SKI: variants seen among roughly 807,000 people sequenced by gnomAD.
SKI encodes ski oncogene.
In SKI, 23 loss-of-function variants were observed where a neutral mutation model predicts 59.3. The observed-to-expected ratio is 0.39, with a 90% CI of 0.28 to 0.55. The LOEUF (loss-of-function observed/expected upper bound fraction) is 0.55, where lower values mean the gene tolerates loss of function less well. Ranked by LOEUF, SKI falls within the 20% of genes least tolerant of loss-of-function variation. SKI has a pLI of 0.67. For synonymous variants in SKI, 673 were observed against 488.6 expected (o/e 1.38, Z -4.98); for missense variants, 1,017 against 1,038.9 (o/e 0.98, Z 0.29).
intron 1 of SKI, among the ~76,000 whole-genome samples, chr1:2,289,058 C>G (rs555050024): frequency 6.6e-6 from 1 of 152,138 alleles, no homozygotes; most frequent in South Asian, 2.1e-4. Context: ...TGCACCCACC[C>G]GGGAAGTGGA....
chr1:2,277,224 G>A (rs1460922840), intron 1 of SKI, among the ~76,000 whole-genome samples: 1 of 152,306 alleles, frequency 6.6e-6, no homozygotes, highest in Admixed American at 6.5e-5. Context: ...CTCCTGAATA[G>A]CTGAGATTAC....
rs1240659980 is a variant in SKI at position 2,297,918 on chromosome 1, G to A, written c.970-5060G>A. Among the ~76,000 whole-genome samples the A allele has an allele frequency of 9.2e-5, 14 of 152,350 alleles. No homozygotes were observed. The South Asian group carries it at 2.5e-3, about 27-fold the overall frequency. On this transcript the variant is annotated intron_variant, in intron 1 of 6. Transcript: ENST00000378536. ...AGCCTGGCAGGAGAAGACGCTGAGGGGACGCACGGGAGGGGTTGCAGGGTG... is the reference window on the plus strand; with the variant it reads ...AGCCTGGCAGGAGAAGACGCTGAGGAGACGCACGGGAGGGGTTGCAGGGTG...
intron 1 of SKI, among the ~76,000 whole-genome samples, chr1:2,273,030 A>G (rs1639660005): frequency 6.6e-6 from 1 of 152,242 alleles, no homozygotes; most frequent in Non-Finnish European, 1.5e-5. Flanking sequence ...CCCCGCCTCC[A>G]TGGAGACATT....
intron 1 of SKI, among the ~76,000 whole-genome samples, chr1:2,278,896 C>A (rs771941341): frequency 6.6e-6 from 1 of 152,184 alleles, no homozygotes; most frequent in Non-Finnish European, 1.5e-5. Context: ...GGTTAGGGCC[C>A]GAGTGCTTGC....
chr1:2,229,622 C>T lies in SKI; in HGVS notation c.856C>T (p.Leu286=), dbSNP rs1411339701. ...FDSANWRAYI[L]LSQDYTGKEE... The stretch of plus-strand genomic sequence containing the variant: ...CTCGGCCAACTGGCGGGCCTACATC[C>T]TGCTGAGCCAGGATTACACGGGCAA... The change falls in exon 1 of 7, where the codon CTG becomes TTG. Residue 286 remains leucine, a synonymous_variant. Transcript: ENST00000378536. The surrounding 1 kb of genome is among the most constrained non-coding windows in gnomAD (Gnocchi z 6.3). 5 of 1,612,566 alleles carry T rather than the reference C, an allele frequency of 3.1e-6. No individual in the cohort carries two copies. The highest frequency in any genetic ancestry group is 4.5e-5 in the East Asian group (2 of 44,860).
intron 1 of SKI, among the ~76,000 whole-genome samples, chr1:2,238,750 G>T (rs551638622): frequency 6.6e-5 from 10 of 152,248 alleles, no homozygotes; most frequent in Admixed American, 6.5e-4. Flanking sequence ...CCTGTGTCCT[G>T]TGGGCTGGCA....
intron 1 of SKI, among the ~76,000 whole-genome samples, chr1:2,233,693 G>C (rs1449052528): frequency 6.6e-6 from 1 of 152,172 alleles, no homozygotes; most frequent in East Asian, 1.9e-4. Flanking sequence ...AGGTGGTCGG[G>C]CTTGAGACCT....
At chr1:2,296,880 C>T (rs1054902303) in intron 1 of SKI, among the ~76,000 whole-genome samples, 5 of 152,104 alleles carry the variant, frequency 3.3e-5, no homozygotes, top group Admixed American at 2.0e-4. Context: ...GCTCTACAGA[C>T]GGTTCAGTCC....
chr1:2,310,058 A>T lies in SKI; in HGVS notation c.*3293A>T, dbSNP rs1283308664. Reference sequence around the variant, plus strand: ...TATGATGCTTACTCTGCTACTCGGAAACTATTTTTATGTAATTAATGTATG... The same window carrying T: ...TATGATGCTTACTCTGCTACTCGGATACTATTTTTATGTAATTAATGTATG... On this transcript the variant is annotated 3_prime_UTR_variant, in exon 7 of 7. Coordinates refer to ENST00000378536, the MANE Select transcript of SKI (RefSeq NM_003036.4). 1 of 150,756 alleles carries T rather than the reference A, an allele frequency of 6.6e-6. No individual in the cohort carries two copies. The highest frequency in any genetic ancestry group is 2.4e-5 in the African/African-American group (1 of 40,870). 9.3% of individuals were successfully genotyped at this position (150,756 alleles called of 1,614,324 possible).
At chr1:2,280,590 G>A (rs1340989838) in intron 1 of SKI, among the ~76,000 whole-genome samples, 5 of 148,614 alleles carry the variant, frequency 3.4e-5, no homozygotes, top group Middle Eastern at 3.8e-3. Context: ...GGCGGCGGCG[G>A]CGATCTTCAG....
At chr1:2,248,932 C>G (rs1639057312) in intron 1 of SKI, among the ~76,000 whole-genome samples, 1 of 152,228 alleles carries the variant, frequency 6.6e-6, no homozygotes, top group African/African-American at 2.4e-5. Context: ...GAAGAGGCAG[C>G]TGGGTCCCAC....
At position 2,229,779 on chromosome 1, in the gene SKI, G is replaced by T; in HGVS notation, c.969+44G>T. 1.9e-6 allele frequency: 3 copies of T among 1,549,786 alleles called. No individual in the cohort carries two copies. Among genetic ancestry groups the T allele is most frequent in the Admixed American group, 2.0e-5 (1 of 51,026 alleles). ...GGGAGCTGGGGAGGATGCGCTTGGG[G>T]TGGGGGCCCCTTCTGGACTACAGGC... On this transcript the variant is annotated intron_variant, in intron 1 of 6. Coordinates refer to ENST00000378536, the MANE Select transcript of SKI (RefSeq NM_003036.4). The surrounding 1 kb of genome is among the most constrained non-coding windows in gnomAD (Gnocchi z 6.3).
At chr1:2,249,549 C>A (rs1003968084) in intron 1 of SKI, among the ~76,000 whole-genome samples, 2 of 152,204 alleles carry the variant, frequency 1.3e-5, no homozygotes, top group Non-Finnish European at 2.9e-5. Flanking sequence ...CCAGGTGATT[C>A]TTATTCGGAA....
At position 2,303,976 on chromosome 1, in the gene SKI, A is replaced by G. The variant is rs1340539227; in HGVS notation, c.1348A>G (p.Thr450Ala). ...GGCCCCCGAGCCTCTCGCCACTTGC[A>G]CCCAGCCTCGGAAGCGGAAGCTGAC... is the stretch of plus-strand genomic sequence containing the variant. ...SRAPEPLATCTQPRKRKLTVD... is the reference protein window; with the variant it reads ...SRAPEPLATCAQPRKRKLTVD... Residue 450 changes from threonine (T) to alanine (A), a missense_variant, in exon 4 of 7, where the codon ACC becomes GCC. Thr to Ala is a moderately conservative substitution (Grantham distance 58). Transcript: ENST00000378536. The surrounding 1 kb of genome is among the most constrained non-coding windows in gnomAD (Gnocchi z 5.6). 6.2e-7 allele frequency: 1 copy of G among 1,612,340 alleles called. No individual in the cohort carries two copies. Among genetic ancestry groups the G allele is most frequent in the East Asian group, 2.2e-5 (1 of 44,856 alleles).
At chr1:2,289,855 G>T (rs1332321668) in intron 1 of SKI, among the ~76,000 whole-genome samples, 1 of 152,088 alleles carries the variant, frequency 6.6e-6, no homozygotes, top group African/African-American at 2.4e-5. Flanking sequence ...GCAGCACCTG[G>T]CTGGGCTGAC....
At chr1:2,288,529 T>C (rs1432273585) in intron 1 of SKI, among the ~76,000 whole-genome samples, 1 of 152,218 alleles carries the variant, frequency 6.6e-6, no homozygotes, top group Non-Finnish European at 1.5e-5. Flanking sequence ...GAGTGGCTCT[T>C]TTCAGAGGCA....
At chr1:2,232,280 G>T (rs1638655402) in intron 1 of SKI, among the ~76,000 whole-genome samples, 1 of 152,144 alleles carries the variant, frequency 6.6e-6, no homozygotes. Context: ...CAGGCCTTCG[G>T]GCTCTGCGGA....
intron 1 of SKI, among the ~76,000 whole-genome samples, chr1:2,260,543 T>TC (rs1553194307): frequency 1.4e-3 from 187 of 131,688 alleles, no homozygotes; most frequent in Non-Finnish European, 2.6e-3. Flanking sequence ...TTCTTTTTTT[T>TC]TTTTTTTTTT....
intron 1 of SKI, among the ~76,000 whole-genome samples, chr1:2,271,004 C>CT (rs1271386440): frequency 1.3e-5 from 2 of 152,222 alleles, no homozygotes; most frequent in African/African-American, 2.4e-5. Context: ...GTGGGGATGA[C>CT]TGAGGCCCAG....
Sources: gnomAD v4.1 joint callset for allele counts (sites outside exome capture counted in the v4.1 genomes callset) on GRCh38, gnomAD v4.1.1 for gene constraint, Gnocchi (gnomAD v3.1) non-coding constraint, MANE v1.5 for transcripts, NCBI Gene and HGNC (gene_info 2026-07-23, HGNC 2026-07-21) for gene names.